SORL1: variants seen among roughly 807,000 people sequenced by gnomAD.
The protein encoded by SORL1 is sortilin-related receptor.
Under a neutral mutation model 273.7 loss-of-function variants are expected in SORL1, and 127 were observed. The ratio of observed to expected loss-of-function variants is 0.46; its 90% CI spans 0.40 to 0.54. The LOEUF is 0.54. Among genes scored for constraint, SORL1 ranks in the 20% least tolerant of loss-of-function variants. The pLI is 0.00. For missense variants in SORL1, 2,494 were observed against 2,846.1 expected, an observed-to-expected ratio of 0.88 and a Z score of 2.81; for synonymous variants, 1,031 against 1,067.4, an observed-to-expected ratio of 0.97 and a Z score of 0.66.
chr11:121,535,856 G>GT (rs1315529459), intron 12 of SORL1, among the ~76,000 whole-genome samples: 3 of 152,140 alleles, frequency 2.0e-5, no homozygotes, highest in Non-Finnish European at 4.4e-5. Context: ...TTTTGCTCTT[G>GT]TGTCTACATG....
chr11:121,559,804 C>T lies in SORL1; in HGVS notation c.3049+147C>T, dbSNP rs1413846313. On this transcript the variant is annotated intron_variant, in intron 21 of 47. Coordinates refer to ENST00000260197, the MANE Select transcript of SORL1 (RefSeq NM_003105.6). ...ACATTATTTAATTTCTTCCTAATGA[C>T]ATCTTAATTTCTTTTCTAATGATAC... The T allele has an allele frequency of 1.6e-5, 11 of 670,466 alleles. No homozygotes were observed. The East Asian group carries it at 3.2e-4, about 19-fold the overall frequency. The allele number at this position is 670,466 out of a possible 1,614,324, so 41.5% of individuals were successfully genotyped here. A position where few individuals can be genotyped will look rare whatever the true frequency, so the allele number is the denominator to read the frequency against.
intron 1 of SORL1, among the ~76,000 whole-genome samples, chr11:121,453,800 C>T (rs747179473): frequency 3.9e-4 from 60 of 152,178 alleles, no homozygotes; most frequent in Admixed American, 3.4e-3. Context: ...AAGGTCATAC[C>T]GGGAAGGTGG....
At position 121,496,917 on chromosome 11, in the gene SORL1, T is replaced by C. The variant is rs12364988; in HGVS notation, c.807T>C (p.His269=). ...CAAATACCATCTACATTGAACGACA[T>C]GAACCCTCTGGCTACTCCACTGTCT... ...DKPNTIYIER[H]EPSGYSTVFR... Residue 269 remains histidine, a synonymous_variant, in exon 6 of 48, where the codon CAT becomes CAC. Transcript: ENST00000260197. 806,583 of 1,612,730 alleles carry C rather than the reference T, an allele frequency of 0.5. 203,278 individuals carry two copies. The highest frequency in any genetic ancestry group is 0.6 in the Middle Eastern group (3,639 of 6,060).
rs991237034 is a variant in SORL1, at chr11:121,631,944, A to G, written c.*2381A>G. ...GTGTAGCTTTGTGGGGATTTCATGT[A>G]TATATGCTGTCTGAAAGAATCCAGA... is the stretch of plus-strand genomic sequence containing the variant. On this transcript the variant is annotated 3_prime_UTR_variant, in exon 48 of 48. Transcript: ENST00000260197. 1 of 152,180 alleles carries G rather than the reference A, an allele frequency of 6.6e-6. No individual in the cohort carries two copies. The highest frequency in any genetic ancestry group is 1.5e-5 in the Non-Finnish European group (1 of 68,034). 9.4% of individuals were successfully genotyped at this position (152,180 alleles called of 1,614,324 possible).
intron 12 of SORL1, among the ~76,000 whole-genome samples, chr11:121,538,554 ACAAT>A (rs1178304503): frequency 6.6e-6 from 1 of 152,226 alleles, no homozygotes; most frequent in Non-Finnish European, 1.5e-5. Flanking sequence ...ATCTTATTAT[ACAAT>A]CAATCAATCA....
intron 41 of SORL1, among the ~76,000 whole-genome samples, chr11:121,615,660 G>A (rs1351955958): frequency 1.3e-5 from 2 of 152,252 alleles, no homozygotes; most frequent in Admixed American, 1.3e-4. Context: ...GATGAGCGGA[G>A]GAACTAGCCT....
At chr11:121,473,164 C>G (rs1374913496) in intron 2 of SORL1, among the ~76,000 whole-genome samples, 3 of 152,058 alleles carry the variant, frequency 2.0e-5, no homozygotes, top group Non-Finnish European at 4.4e-5. Context: ...AATAACAATC[C>G]AAATTCTCTT....
intron 11 of SORL1, among the ~76,000 whole-genome samples, chr11:121,528,957 A>G (rs1862162273): frequency 6.6e-6 from 1 of 152,212 alleles, no homozygotes; most frequent in Admixed American, 6.5e-5. Context: ...AATTCCTAAG[A>G]GAGGAATGGT....
rs1431147158 is a variant in SORL1 at position 121,591,006 on chromosome 11, C to T, written c.4219C>T (p.His1407Tyr). The change falls in exon 31 of 48, where the codon CAT (histidine) becomes TAT (tyrosine). Residue 1407 changes from histidine (H) to tyrosine (Y), a missense_variant. By Grantham distance (83) the His-to-Tyr change is moderately conservative. Coordinates refer to ENST00000260197, the MANE Select transcript of SORL1 (RefSeq NM_003105.6). The part of the protein sequence containing the change: ...WSDEKDCGDS[H>Y]ILPFSTPGPS... ...GTGCTTGGTGTTTTTCTCAGATTCACATATTCTTCCCTTCTCGACTCCTGG... is the reference window on the plus strand; with the variant it reads ...GTGCTTGGTGTTTTTCTCAGATTCATATATTCTTCCCTTCTCGACTCCTGG... The T allele has an allele frequency of 4.3e-6, 7 of 1,614,124 alleles. No homozygotes were observed. In the Admixed American group the frequency reaches 1.2e-4, roughly 27 times the overall value.
Position 121,543,542 on chromosome 11 carries a change from G to T in SORL1, c.1686-6G>T. The T allele has an allele frequency of 3.7e-6, 6 of 1,605,978 alleles. No individual in the cohort carries two copies. The highest frequency in any genetic ancestry group is 5.1e-6 in the Non-Finnish European group (6 of 1,173,472). On this transcript the variant is annotated splice_polypyrimidine_tract_variant and splice_region_variant and intron_variant, in intron 12 of 47. Transcript: ENST00000260197. ...TGCAAGGATTCTCTTACTTGCATTT[G>T]GGCAGATACAGTACCAATGAAGGGG...
intron 6 of SORL1, among the ~76,000 whole-genome samples, chr11:121,509,538 A>G (rs1016198647): frequency 5.3e-5 from 8 of 152,196 alleles, no homozygotes; most frequent in Middle Eastern, 3.4e-3. Context: ...GTGCAGCGGC[A>G]TGATCTCGGC....
At chr11:121,454,379 A>G (rs184396268) in intron 1 of SORL1, among the ~76,000 whole-genome samples, 2 of 152,316 alleles carry the variant, frequency 1.3e-5, no homozygotes, top group East Asian at 1.9e-4. Context: ...ATATGTGTAC[A>G]TGTGCCATTT....
chr11:121,581,424 A>T (rs1435535235), intron 25 of SORL1, among the ~76,000 whole-genome samples: 2 of 152,204 alleles, frequency 1.3e-5, no homozygotes, highest in Admixed American at 1.3e-4. Context: ...GATTTCCACG[A>T]TTGTTTACCA....
rs199717181 is a variant in SORL1 at position 121,604,279 on chromosome 11, G to A, written c.4606G>A (p.Gly1536Ser). The change falls in exon 33 of 48, where the codon GGC becomes AGC. Residue 1536 changes from glycine (G) to serine (S), a missense_variant. Physicochemically the swap from Gly to Ser is moderately conservative, Grantham distance 56. This residue lies in a region of SORL1 where 1,609 missense variants were observed against 1,816.4 expected (regional missense o/e 0.89). Transcript: ENST00000260197. ...ACIVLSERCD[G>S]FLDCSDESDE... is the part of the protein sequence containing the mutation. ...CATTGTGCTCTCGGAGCGCTGCGAC[G>A]GCTTCCTGGACTGCTCGGACGAGAG... is the stretch of plus-strand genomic sequence containing the variant. 1.1e-4 allele frequency: 184 copies of A among 1,613,968 alleles called. 1 individual carries two copies. Among genetic ancestry groups the A allele is most frequent in the Non-Finnish European group, 4.0e-5 (47 of 1,180,028 alleles).
chr11:121,549,381 C>A (rs187925611), intron 14 of SORL1, among the ~76,000 whole-genome samples: 33 of 151,798 alleles, frequency 2.2e-4, no homozygotes, highest in Non-Finnish European at 4.3e-4. Flanking sequence ...CAGCACCATA[C>A]CTGGCTATTT....
Position 121,555,301 on chromosome 11 carries a change from G to A in SORL1, c.2554G>A (p.Gly852Ser), listed in dbSNP as rs1017617996. Residue 852 changes from glycine to serine, a missense_variant, in exon 18 of 48, where the codon GGC becomes AGC. By Grantham distance (56) the Gly-to-Ser change is moderately conservative (BLOSUM62 0). Coordinates refer to ENST00000260197, the MANE Select transcript of SORL1 (RefSeq NM_003105.6). ...LSQLLYWVDAGFKKIEVANPD... is the reference protein window; with the variant it reads ...LSQLLYWVDASFKKIEVANPD... ...CCAGCTGCTTTACTGGGTAGATGCA[G>A]GCTTCAAAAAGATTGAGGTATGTGT... 3.1e-6 allele frequency: 5 copies of A among 1,613,772 alleles called. No homozygotes were observed. In the African/African-American group the frequency reaches 6.7e-5, roughly 22 times the overall value.
At chr11:121,555,862 GCCAAA>G (rs1395413759) in intron 18 of SORL1, among the ~76,000 whole-genome samples, 5 of 151,810 alleles carry the variant, frequency 3.3e-5, no homozygotes, top group African/African-American at 9.7e-5. Flanking sequence ...CCTCTAAACT[GCCAAA>G]TCTTTGTCTG....
At chr11:121,614,701 C>G (rs1487682179) in intron 40 of SORL1, 170 bp from the exon 41 acceptor site, 2 of 600,474 alleles carry the variant, frequency 3.3e-6, no homozygotes, top group Non-Finnish European at 5.8e-6. Context: ...CCGTCATCAT[C>G]AGTACATAAA....
intron 25 of SORL1, among the ~76,000 whole-genome samples, chr11:121,582,348 GTTTC>G (rs1320808222): frequency 6.6e-6 from 1 of 152,208 alleles, no homozygotes; most frequent in East Asian, 1.9e-4. Context: ...TGTGTGTTTT[GTTTC>G]TTTCCGTTGT....
Sources: allele counts gnomAD v4.1 joint callset (sites outside exome capture counted in the v4.1 genomes callset), GRCh38; gene constraint gnomAD v4.1.1; regional missense constraint gnomAD v4.1.1; transcripts MANE v1.5; gene names NCBI Gene and HGNC (gene_info 2026-07-23, HGNC 2026-07-21).